Variants in PYGO2 observed in about 807,000 individuals in gnomAD.
PYGO2 encodes the protein pygopus family PHD finger 2.
A neutral mutation model predicts 26.7 loss-of-function variants in PYGO2; 9 were observed. That is an observed-to-expected ratio of 0.34 (90% CI 0.20 to 0.59). PYGO2 has a LOEUF of 0.59. Ranked by LOEUF, PYGO2 falls within the 20% of genes least tolerant of loss-of-function variation. The pLI, the probability that PYGO2 is intolerant of heterozygous loss-of-function variation, is 0.84. For missense variants in PYGO2, 538 were observed against 561.5 expected, an observed-to-expected ratio of 0.96 and a Z score of 0.42; for synonymous variants, 236 against 219.0, an observed-to-expected ratio of 1.08 and a Z score of -0.68.
chr1:154,960,892 TACAA>T (rs1558044397), intron 2 of PYGO2, 81 bp downstream of exon 2: 4 of 1,262,844 alleles, frequency 3.2e-6, no homozygotes, highest in East Asian at 2.3e-5. Flanking sequence ...TGATACAAGA[TACAA>T]ACAGATACTG....
chr1:154,961,085 T>G, intron 1 of PYGO2, 59 bp from the exon 2 acceptor site: 1 of 1,531,162 alleles, frequency 6.5e-7, no homozygotes. Flanking sequence ...CCCAACCTCT[T>G]TTCTCTCAGC....
chr1:154,959,760 A>G lies in PYGO2; in HGVS notation c.240T>C (p.Asp80=). 1 of 1,395,608 alleles carries G rather than the reference A, an allele frequency of 7.2e-7. No individual in the cohort carries two copies. The highest frequency in any genetic ancestry group is 9.4e-7 in the Non-Finnish European group (1 of 1,065,574). The allele number at this position is 1,395,608 out of a possible 1,614,324, so 86.5% of individuals were successfully genotyped here. A position where few individuals can be genotyped will look rare whatever the true frequency, so the allele number is the denominator to read the frequency against. The part of the protein sequence containing the change: ...DHLVASNPFE[D]DFGAPKVGVA... ...CCCCCACTTTGGGGGCTCCGAAGTC[A>G]TCTTCAAAAGGGTTGGATGCAACCA... The change falls in exon 3 of 3, where the codon GAT becomes GAC. Residue 80 remains aspartate, a synonymous_variant. Transcript: ENST00000368457. The surrounding 1 kb of genome is among the most constrained non-coding windows in gnomAD (Gnocchi z 4.7).
rs1655370207 is a variant in PYGO2 at position 154,961,655 on chromosome 1, CAG to C, written c.-81_-80del. ...CTGCACCATCGCCCAGAAGGGGTGT[CAG>C]GGGCAGCCCAGGCCCCCGAGCTGCA... On this transcript the variant is annotated 5_prime_UTR_variant, in exon 1 of 3. Transcript: ENST00000368457. 2.1e-6 allele frequency: 1 copy of C among 472,904 alleles called. No individual in the cohort carries two copies. The highest frequency in any genetic ancestry group is 2.0e-5 in the African/African-American group (1 of 48,918). 29.3% of individuals were successfully genotyped at this position (472,904 alleles called of 1,614,324 possible).
rs2242467 is a variant in PYGO2, at chr1:154,961,748, C to T, written c.-172G>A. 2 of 409,926 alleles carry T rather than the reference C, an allele frequency of 4.9e-6. No individual in the cohort carries two copies. The highest frequency in any genetic ancestry group is 7.2e-5 in the East Asian group (2 of 27,782). 25.4% of individuals were successfully genotyped at this position (409,926 alleles called of 1,614,324 possible). On this transcript the variant is annotated 5_prime_UTR_variant, in exon 1 of 3. Transcript: ENST00000368457. The stretch of plus-strand genomic sequence containing the variant: ...GCGCAAACTGCGCGCTCTCTCCAGA[C>T]TCGCCGCCCGCCAGCGGCGGCAGCA...
chr1:154,959,369 G>T lies in PYGO2; in HGVS notation c.631C>A (p.Leu211Met). The change falls in exon 3 of 3, where the codon CTG becomes ATG. Residue 211 changes from leucine (L) to methionine (M), a missense_variant. This residue lies in a region of PYGO2 where 381 missense variants were observed against 336.6 expected (regional missense o/e 1.13). Transcript: ENST00000368457. This position sits in a 1 kb window ranked among gnomAD's most constrained non-coding sequence, Gnocchi z 4.7. ...CCTGGCTGAGCAAATCGTTGGGACA[G>T]AGAAGGTGGGCCCAGCTCTGCTCTG... ...PPRAELGPPS[L>M]SQRFAQPGAP... 1 of 1,610,226 alleles carries T rather than the reference G, an allele frequency of 6.2e-7. No homozygotes were observed. The highest frequency in any genetic ancestry group is 8.5e-7 in the Non-Finnish European group (1 of 1,178,290).
Position 154,958,740 on chromosome 1 carries a change from G to A in PYGO2, c.*39C>T. On this transcript the variant is annotated 3_prime_UTR_variant, in exon 3 of 3. Coordinates refer to ENST00000368457, the MANE Select transcript of PYGO2 (RefSeq NM_138300.4). ...CAAAAAAATCACCCTGGAAGAGCAG[G>A]GAGAGACATGTGCACTTCCCTGGGC... 1 of 1,533,034 alleles carries A rather than the reference G, an allele frequency of 6.5e-7. No individual in the cohort carries two copies. Among genetic ancestry groups the A allele is most frequent in the Non-Finnish European group, 9.0e-7 (1 of 1,112,594 alleles). 95.0% of individuals were successfully genotyped at this position (1,533,034 alleles called of 1,614,324 possible).
Position 154,959,101 on chromosome 1 carries a change from C to T in PYGO2, c.899G>A (p.Gly300Glu). The part of the protein sequence containing the change: ...SFPPNSSGRG[G>E]GTPDANSLAP... Reference sequence around the variant, plus strand: ...CAAGCTGTTGGCATCTGGAGTGCCCCCACCCCGCCCACTGCTGTTCGGGGG... The same window carrying T: ...CAAGCTGTTGGCATCTGGAGTGCCCTCACCCCGCCCACTGCTGTTCGGGGG... Residue 300 changes from glycine (G) to glutamate (E), a missense_variant, in exon 3 of 3, where the codon GGG (glycine) becomes GAG (glutamate). Around this residue, in one of 4 missense-constraint regions of PYGO2, gnomAD observed 381 missense variants for 336.6 expected, o/e 1.13. Transcript: ENST00000368457. This position sits in a 1 kb window ranked among gnomAD's most constrained non-coding sequence, Gnocchi z 4.7. 1 of 1,609,256 alleles carries T rather than the reference C, an allele frequency of 6.2e-7. No homozygotes were observed.
intron 2 of PYGO2, 87 bp downstream of exon 2, chr1:154,960,890 G>A: frequency 9.7e-6 from 12 of 1,237,956 alleles, no homozygotes; most frequent in Non-Finnish European, 1.2e-5. Context: ...GCTGATACAA[G>A]ATACAAACAG....
At chr1:154,960,694 T>C (rs529596368) in intron 2 of PYGO2, among the ~76,000 whole-genome samples, 1 of 152,226 alleles carries the variant, frequency 6.6e-6, no homozygotes, top group South Asian at 2.1e-4. Flanking sequence ...CAGTAAGTGG[T>C]AGGTGTTACG....
Position 154,961,555 on chromosome 1 carries a change from G to A in PYGO2, c.22C>T (p.Pro8Ser). ...CCACCTCCCTCCAGCTTGTCCGGTGGGGGCGGCGCCGAGGCGGCCATGGAG... is the reference window on the plus strand; with the variant it reads ...CCACCTCCCTCCAGCTTGTCCGGTGAGGGCGGCGCCGAGGCGGCCATGGAG... MAASAPP[P>S]PDKLEGGGGP... Residue 8 changes from proline (P) to serine (S), a missense_variant, in exon 1 of 3, where the codon CCA becomes TCA. By Grantham distance (74) the Pro-to-Ser change is moderately conservative. Coordinates refer to ENST00000368457, the MANE Select transcript of PYGO2 (RefSeq NM_138300.4). The A allele has an allele frequency of 7.2e-7, 1 of 1,384,070 alleles. No homozygotes were observed. Among genetic ancestry groups the A allele is most frequent in the South Asian group, 1.6e-5 (1 of 62,494 alleles). The allele number at this position is 1,384,070 out of a possible 1,614,324, so 85.7% of individuals were successfully genotyped here.
chr1:154,961,750 C>T lies in PYGO2; in HGVS notation c.-174G>A, dbSNP rs1372622799. ...GCAAACTGCGCGCTCTCTCCAGACT[C>T]GCCGCCCGCCAGCGGCGGCAGCAAC... is the stretch of plus-strand genomic sequence containing the variant. On this transcript the variant is annotated 5_prime_UTR_variant, in exon 1 of 3. Transcript: ENST00000368457. The T allele has an allele frequency of 6.2e-5, 25 of 406,478 alleles. No homozygotes were observed. Among genetic ancestry groups the T allele is most frequent in the Non-Finnish European group, 1.3e-5 (3 of 229,084 alleles). 25.2% of individuals were successfully genotyped at this position (406,478 alleles called of 1,614,324 possible). A position where few individuals can be genotyped will look rare whatever the true frequency, so the allele number is the denominator to read the frequency against.
chr1:154,960,002 C>T (rs1291979581), intron 2 of PYGO2, among the ~76,000 whole-genome samples, 156 bp from the exon 3 acceptor site: 1 of 152,122 alleles, frequency 6.6e-6, no homozygotes, highest in Non-Finnish European at 1.5e-5. Flanking sequence ...CGGTGGCTCA[C>T]GCCTGTAATC....
At chr1:154,961,448 G>T (rs1413318207) in intron 1 of PYGO2, 26 bp downstream of exon 1, 1 of 1,435,512 alleles carries the variant, frequency 7.0e-7, no homozygotes, top group Non-Finnish European at 9.3e-7. Flanking sequence ...GGCCTCTTCA[G>T]CCCCCGCCCC....
Position 154,959,492 on chromosome 1 carries a change from G to A in PYGO2, c.508C>T (p.Pro170Ser), listed in dbSNP as rs1655273468. Residue 170 changes from proline (P) to serine (S), a missense_variant, in exon 3 of 3, where the codon CCT becomes TCT. By Grantham distance (74) the Pro-to-Ser change is moderately conservative. Transcript: ENST00000368457. The surrounding 1 kb of genome is among the most constrained non-coding windows in gnomAD (Gnocchi z 4.7). ...MNFPSQPFNQPLGQNFSPPSG... is the reference protein window; with the variant it reads ...MNFPSQPFNQSLGQNFSPPSG... ...GGAGGACTAAAGTTTTGACCCAGAG[G>A]CTGGTTGAAGGGTTGGCTGGGAAAG... The A allele has an allele frequency of 4.7e-6, 7 of 1,488,418 alleles. No homozygotes were observed. The highest frequency in any genetic ancestry group is 6.3e-6 in the Non-Finnish European group (7 of 1,118,280). 92.2% of individuals were successfully genotyped at this position (1,488,418 alleles called of 1,614,324 possible). A position where few individuals can be genotyped will look rare whatever the true frequency, so the allele number is the denominator to read the frequency against.
chr1:154,961,133 T>C, intron 1 of PYGO2, 107 bp from the exon 2 acceptor site: 1 of 983,220 alleles, frequency 1.0e-6, no homozygotes, highest in Non-Finnish European at 1.5e-6. Flanking sequence ...AATACATACT[T>C]GCTTATTTAT....
rs1473880823 is a variant in PYGO2, at chr1:154,957,885, G to A, written c.*894C>T. 6.5e-6 allele frequency: 1 copy of A among 152,734 alleles called. No homozygotes were observed. The highest frequency in any genetic ancestry group is 6.5e-5 in the Admixed American group (1 of 15,276). The allele number at this position is 152,734 out of a possible 1,614,324, so 9.5% of individuals were successfully genotyped here. ...TCAAGCCAGGAAGGCAGGGGAATAA[G>A]GGCGCCGAAAGTTGAAGAACACACG... On this transcript the variant is annotated 3_prime_UTR_variant, in exon 3 of 3. Coordinates refer to ENST00000368457, the MANE Select transcript of PYGO2 (RefSeq NM_138300.4).
rs1303383680 is a variant in PYGO2 at position 154,958,275 on chromosome 1, T to TC, written c.*503dup. 6.5e-6 allele frequency: 1 copy of TC among 153,364 alleles called. No individual in the cohort carries two copies. The highest frequency in any genetic ancestry group is 1.5e-5 in the Non-Finnish European group (1 of 68,786). The allele number at this position is 153,364 out of a possible 1,614,324, so 9.5% of individuals were successfully genotyped here. A position where few individuals can be genotyped will look rare whatever the true frequency, so the allele number is the denominator to read the frequency against. On this transcript the variant is annotated 3_prime_UTR_variant, in exon 3 of 3. Coordinates refer to ENST00000368457, the MANE Select transcript of PYGO2 (RefSeq NM_138300.4). The stretch of plus-strand genomic sequence containing the variant: ...GAAAAAGGGGAAAATCCCCATTTAT[T>TC]CCCTAAAGCTGTCTCCCAGAGCCCA...
chr1:154,960,403 CAAAAA>C lies in PYGO2; in HGVS notation c.154-562_154-558del, dbSNP rs542540625. 2.3e-4 allele frequency among the ~76,000 whole-genome samples: 7 copies of C among 30,148 alleles called. No homozygotes were observed. In the South Asian group the frequency reaches 4.6e-3, roughly 20 times the overall value. The allele number at this position is 30,148 out of a possible 152,430, so 19.8% of individuals were successfully genotyped here. A position where few individuals can be genotyped will look rare whatever the true frequency, so the allele number is the denominator to read the frequency against. On this transcript the variant is annotated intron_variant, in intron 2 of 2. Coordinates refer to ENST00000368457, the MANE Select transcript of PYGO2 (RefSeq NM_138300.4). ...GTAACACAGCAAGTCTCTGTTACTA[CAAAAA>C]AAAAAAAAGAAAAGAAAAGAAAAGA...
At position 154,958,643 on chromosome 1, in the gene PYGO2, G is replaced by A; in HGVS notation, c.*136C>T. On this transcript the variant is annotated 3_prime_UTR_variant, in exon 3 of 3. Coordinates refer to ENST00000368457, the MANE Select transcript of PYGO2 (RefSeq NM_138300.4). ...GCCTGCCCACCTCAATTCCTTTTCT[G>A]CTCCCAGGAGCCACTGTTTCTGCCC... 1 of 701,018 alleles carries A rather than the reference G, an allele frequency of 1.4e-6. No individual in the cohort carries two copies. The highest frequency in any genetic ancestry group is 2.7e-5 in the East Asian group (1 of 36,904). 43.4% of individuals were successfully genotyped at this position (701,018 alleles called of 1,614,324 possible). A position where few individuals can be genotyped will look rare whatever the true frequency, so the allele number is the denominator to read the frequency against.
Sources: gnomAD v4.1 joint callset for allele counts (sites outside exome capture counted in the v4.1 genomes callset) on GRCh38, gnomAD v4.1.1 for gene constraint, gnomAD v4.1.1 regional missense constraint, Gnocchi (gnomAD v3.1) non-coding constraint, MANE v1.5 for transcripts, NCBI Gene and HGNC (gene_info 2026-07-23, HGNC 2026-07-21) for gene names.